Variants in HVCN1 observed in about 807,000 individuals in gnomAD.
HVCN1 encodes voltage-gated hydrogen channel 1.
Under a neutral mutation model 29.2 loss-of-function variants are expected in HVCN1, and 14 were observed. The ratio of observed to expected loss-of-function variants is 0.48; its 90% confidence interval spans 0.32 to 0.75. The LOEUF (loss-of-function observed/expected upper bound fraction) is 0.75, where lower values mean the gene tolerates loss of function less well. HVCN1 is among the 30% of genes least tolerant of loss of function. The probability of loss-of-function intolerance (pLI) is 0.04; values close to 1 mark genes in which losing one functional copy is unlikely to be tolerated. For missense variants in HVCN1, 263 were observed against 341.8 expected (o/e 0.77, Z 1.82); for synonymous variants, 131 against 133.2 (o/e 0.98, Z 0.11).
intron 3 of HVCN1, among the ~76,000 whole-genome samples, chr12:110,675,186 C>T (rs530262227): frequency 9.2e-5 from 14 of 152,294 alleles, no homozygotes; most frequent in African/African-American, 2.9e-4. Flanking sequence ...AAGCTGGGTG[C>T]GGTGGCTCAT....
intron 3 of HVCN1, among the ~76,000 whole-genome samples, chr12:110,674,337 C>T (rs1238196139): frequency 3.9e-5 from 6 of 152,210 alleles, no homozygotes; most frequent in Non-Finnish European, 8.8e-5. Context: ...TTGATTTTTA[C>T]AGGCTCATAG....
chr12:110,661,026 G>A lies in HVCN1; in HGVS notation c.306+138C>T. 3 of 808,526 alleles carry A rather than the reference G, an allele frequency of 3.7e-6. No homozygotes were observed. Among genetic ancestry groups the A allele is most frequent in the Middle Eastern group, 3.8e-4 (1 of 2,616 alleles). The allele number at this position is 808,526 out of a possible 1,614,324, so 50.1% of individuals were successfully genotyped here. On this transcript the variant is annotated intron_variant, in intron 4 of 7. Coordinates refer to ENST00000242607, the MANE Select transcript of HVCN1 (RefSeq NM_032369.4). This position sits in a 1 kb window ranked among gnomAD's most constrained non-coding sequence, Gnocchi z 6.2. ...ATTCCCAGCACGGTACAGGGTCCCC[G>A]GCACGTGGTAGGTGCTGGGCAAACA...
Position 110,695,077 on chromosome 12 carries a change from GCA to G in HVCN1, c.-103-6371_-103-6370del, listed in dbSNP as rs201213192. On this transcript the variant is annotated intron_variant, in intron 2 of 4. Transcript: ENST00000546713. ...CATTAAACTTAGTCTATATAGGGAGGCACACAAATACTAAACGACAAATTACA... is the reference window on the plus strand; with the variant it reads ...CATTAAACTTAGTCTATATAGGGAGGCACAAATACTAAACGACAAATTACA... Among the ~76,000 whole-genome samples the G allele has an allele frequency of 4.5e-3, 682 of 152,232 alleles. 4 individuals carry two copies. The highest frequency in any genetic ancestry group is 6.8e-3 in the Middle Eastern group (2 of 294).
chr12:110,675,378 G>A (rs1189548520), intron 3 of HVCN1, among the ~76,000 whole-genome samples: 2 of 152,222 alleles, frequency 1.3e-5, no homozygotes, highest in Non-Finnish European at 2.9e-5. Flanking sequence ...GGAATTGCTT[G>A]AACCTGGGAG....
At chr12:110,700,087 G>A (rs776373624) in intron 2 of HVCN1, among the ~76,000 whole-genome samples, 14 of 152,346 alleles carry the variant, frequency 9.2e-5, no homozygotes, top group South Asian at 2.1e-4. Context: ...GTGGCCACAC[G>A]ACACTGCTGC....
rs544788395 is a variant in HVCN1 at position 110,665,801 on chromosome 12, G to A, written c.22-4353C>T. Among the ~76,000 whole-genome samples, 6 of 152,142 alleles carry A rather than the reference G, an allele frequency of 3.9e-5. No individual in the cohort carries two copies. In the South Asian group the frequency reaches 1.0e-3, roughly 26 times the overall value. ...GTGGGCAGATCACCTGAGGTCAGGA[G>A]TTCAAGACCAGCCTGACCAATGTGG... is the stretch of plus-strand genomic sequence containing the variant. On this transcript the variant is annotated intron_variant, in intron 3 of 7. Coordinates refer to ENST00000242607, the MANE Select transcript of HVCN1 (RefSeq NM_032369.4).
At chr12:110,695,492 G>T (rs1229962334) in intron 2 of HVCN1, among the ~76,000 whole-genome samples, 1 of 152,080 alleles carries the variant, frequency 6.6e-6, no homozygotes, top group Admixed American at 6.6e-5. Flanking sequence ...GGAGGTCAAG[G>T]CTGCAGTGAG....
intron 1 of HVCN1, among the ~76,000 whole-genome samples, chr12:110,703,610 A>C (rs1257812317): frequency 6.6e-6 from 1 of 151,198 alleles, no homozygotes; most frequent in Non-Finnish European, 1.5e-5. Context: ...ACTTGTGTAT[A>C]TATTTGATTC....
intron 2 of HVCN1, among the ~76,000 whole-genome samples, chr12:110,695,119 G>C (rs2069469155): frequency 6.6e-6 from 1 of 152,120 alleles, no homozygotes; most frequent in Non-Finnish European, 1.5e-5. Context: ...GATAAGCATT[G>C]AAAAGGGGGC....
rs951840865 is a variant in HVCN1, at chr12:110,697,252, A to G, written c.-104+5057T>C. On this transcript the variant is annotated intron_variant, in intron 2 of 4. Coordinates refer to the HVCN1 transcript ENST00000546713. ...CATCAGTGCACAACTGGTATTGACAACAAGGCCTGGGCTGTGATCCCCTTC... is the reference window on the plus strand; with the variant it reads ...CATCAGTGCACAACTGGTATTGACAGCAAGGCCTGGGCTGTGATCCCCTTC... 3.9e-5 allele frequency among the ~76,000 whole-genome samples: 6 copies of G among 152,110 alleles called. 1 individual carries two copies. Among genetic ancestry groups the G allele is most frequent in the Non-Finnish European group, 4.4e-5 (3 of 68,012 alleles).
chr12:110,671,976 T>G (rs1394602664), intron 3 of HVCN1, among the ~76,000 whole-genome samples: 1 of 152,158 alleles, frequency 6.6e-6, no homozygotes, highest in East Asian at 1.9e-4. Flanking sequence ...AAGTGGGCAC[T>G]CCTGTATGCC....
Position 110,684,883 on chromosome 12 carries a change from T to C in HVCN1, c.-19-1619A>G, listed in dbSNP as rs147433138. On this transcript the variant is annotated intron_variant, in intron 2 of 7. Coordinates refer to ENST00000242607, the MANE Select transcript of HVCN1 (RefSeq NM_032369.4). ...CTGACCAGTTTCCTACGTCGCCTTC[T>C]GGAGTATTCTATGCCCTCACAAGCA... Among the ~76,000 whole-genome samples the C allele has an allele frequency of 6.8e-3, 1,034 of 152,308 alleles. 1 individual carries two copies. The highest frequency in any genetic ancestry group is 9.3e-3 in the Non-Finnish European group (631 of 68,014).
chr12:110,670,138 C>G (rs1230235983), intron 3 of HVCN1, among the ~76,000 whole-genome samples: 1 of 152,158 alleles, frequency 6.6e-6, no homozygotes, highest in East Asian at 1.9e-4. Flanking sequence ...ACCAGAAAAA[C>G]TACCATCTGG....
chr12:110,675,441 A>G (rs1340094427), intron 3 of HVCN1, among the ~76,000 whole-genome samples: 4 of 152,336 alleles, frequency 2.6e-5, no homozygotes, highest in African/African-American at 9.6e-5. Flanking sequence ...CCTGGGTGAC[A>G]GGGCAAGACT....
chr12:110,683,993 C>A (rs906910454), intron 2 of HVCN1, among the ~76,000 whole-genome samples: 2 of 148,368 alleles, frequency 1.3e-5, no homozygotes, highest in African/African-American at 5.0e-5. Flanking sequence ...CTCAAAGATA[C>A]CATGCTAAGT....
intron 3 of HVCN1, among the ~76,000 whole-genome samples, chr12:110,673,715 C>T (rs2068656826): frequency 6.6e-6 from 1 of 152,204 alleles, no homozygotes; most frequent in Non-Finnish European, 1.5e-5. Flanking sequence ...GGTGGAAGCC[C>T]CAAGCTTTGG....
At chr12:110,665,769 G>A (rs1348602859) in intron 3 of HVCN1, among the ~76,000 whole-genome samples, 1 of 152,070 alleles carries the variant, frequency 6.6e-6, no homozygotes, top group Admixed American at 6.6e-5. Context: ...CACTTTGGGA[G>A]GTCGAGGTGG....
At chr12:110,667,623 G>A (rs1291311275) in intron 3 of HVCN1, among the ~76,000 whole-genome samples, 1 of 151,850 alleles carries the variant, frequency 6.6e-6, no homozygotes, top group African/African-American at 2.4e-5. Context: ...GTAGAGGCAG[G>A]GTTTTGCTAT....
chr12:110,678,278 G>A (rs1319956300), intron 3 of HVCN1, among the ~76,000 whole-genome samples: 4 of 152,136 alleles, frequency 2.6e-5, no homozygotes, highest in African/African-American at 9.7e-5. Context: ...TCACAGCTGG[G>A]GAAGCCCCAT....
Sources: allele counts gnomAD v4.1 joint callset (sites outside exome capture counted in the v4.1 genomes callset), GRCh38; gene constraint gnomAD v4.1.1; non-coding constraint Gnocchi (gnomAD v3.1); transcripts MANE v1.5; gene names NCBI Gene and HGNC (gene_info 2026-07-23, HGNC 2026-07-21).